The following RBM6 variants were observed in gnomAD, a reference collection of about 807,000 sequenced individuals.
The protein encoded by RBM6 is RNA-binding protein 6.
RBM6 carries 23 observed loss-of-function variants against 140.4 expected under a neutral mutation model. The ratio of observed to expected loss-of-function variants is 0.16; its 90% CI spans 0.12 to 0.23. The LOEUF is 0.23. Ranked by LOEUF, RBM6 falls within the 10% of genes least tolerant of loss-of-function variation. RBM6 has a pLI of 1.00. For missense variants in RBM6, 1,139 were observed against 1,386.7 expected, an observed-to-expected ratio of 0.82 and a Z score of 2.84; for synonymous variants, 439 against 475.6, an observed-to-expected ratio of 0.92 and a Z score of 1.00.
chr3:50,020,677 A>G (rs2087430816), intron 6 of RBM6, among the ~76,000 whole-genome samples: 1 of 152,206 alleles, frequency 6.6e-6, no homozygotes, highest in African/African-American at 2.4e-5. Context: ...TGGAGTGTAC[A>G]TACACAAACC....
chr3:50,077,233 A>T lies in RBM6; in HGVS notation c.*100A>T. 5.4e-6 allele frequency: 7 copies of T among 1,304,422 alleles called. No homozygotes were observed. Among genetic ancestry groups the T allele is most frequent in the African/African-American group, 3.1e-5 (2 of 64,814 alleles). 80.8% of individuals were successfully genotyped at this position (1,304,422 alleles called of 1,614,324 possible). A position where few individuals can be genotyped will look rare whatever the true frequency, so the allele number is the denominator to read the frequency against. ...TTGCTGCTAGAACTTTTTTAAATAA[A>T]CTTTTTTTCAATGTGATTATCTTTT... is the stretch of plus-strand genomic sequence containing the variant. On this transcript the variant is annotated 3_prime_UTR_variant, in exon 21 of 21. Coordinates refer to ENST00000266022, the MANE Select transcript of RBM6 (RefSeq NM_005777.3).
intron 11 of RBM6, chr3:50,060,753 C>CAAAA (rs35467618): frequency 1.1e-3 from 141 of 124,726 alleles, no homozygotes; most frequent in South Asian, 2.6e-3. Context: ...GACTCCGTCT[C>CAAAA]AAAAAAAAAA....
At position 49,999,519 on chromosome 3, in the gene RBM6, T is replaced by C; in HGVS notation, c.1557+6T>C. 6.2e-7 allele frequency: 1 copy of C among 1,606,818 alleles called. No homozygotes were observed. Among genetic ancestry groups the C allele is most frequent in the Non-Finnish European group, 8.5e-7 (1 of 1,173,308 alleles). On this transcript the variant is annotated splice_donor_region_variant and intron_variant, in intron 6 of 20. Transcript: ENST00000266022. The stretch of plus-strand genomic sequence containing the variant: ...GATGCATGGAGGCCAACCAGGTTGC[T>C]TTATACTTCGGTCAAATGATGCTGG...
chr3:49,973,608 CAG>C (rs2084903494), intron 4 of RBM6, among the ~76,000 whole-genome samples: 2 of 133,688 alleles, frequency 1.5e-5, no homozygotes, highest in African/African-American at 2.8e-5. Flanking sequence ...TTTTTTGAGA[CAG>C]AGTCTCACTC....
chr3:50,054,433 A>C, intron 8 of RBM6, 38 bp downstream of exon 8: 2 of 1,509,886 alleles, frequency 1.3e-6, no homozygotes, highest in African/African-American at 2.8e-5. Context: ...TATCTCGTGC[A>C]TTGAGCAAAA....
chr3:50,067,205 A>T (rs1438395303), intron 17 of RBM6, among the ~76,000 whole-genome samples: 1 of 151,272 alleles, frequency 6.6e-6, no homozygotes, highest in East Asian at 1.9e-4. Flanking sequence ...AAAAAAAAAA[A>T]AAAAAAAGCC....
chr3:50,046,135 G>A (rs1324008520), intron 6 of RBM6, among the ~76,000 whole-genome samples: 1 of 151,646 alleles, frequency 6.6e-6, no homozygotes, highest in Non-Finnish European at 1.5e-5. Flanking sequence ...ACAAAAATTA[G>A]CCAGGCATGG....
intron 9 of RBM6, 89 bp from the exon 10 acceptor site, chr3:50,058,313 A>G: frequency 7.2e-7 from 1 of 1,383,050 alleles, no homozygotes; most frequent in Non-Finnish European, 1.0e-6. Context: ...TAGCATCTAT[A>G]GTAAAAAATG....
At chr3:49,950,707 A>G (rs965838206) in intron 1 of RBM6, among the ~76,000 whole-genome samples, 1 of 151,904 alleles carries the variant, frequency 6.6e-6, no homozygotes, top group African/African-American at 2.4e-5. Context: ...GTAAGCTGAG[A>G]TCATGTCACT....
chr3:49,999,770 A>G (rs1575651296), intron 6 of RBM6, among the ~76,000 whole-genome samples: 2 of 36,232 alleles, frequency 5.5e-5, no homozygotes, highest in Non-Finnish European at 1.3e-4. Flanking sequence ...CAATAGTTGG[A>G]AAAAAAAAAA....
At chr3:49,986,876 C>G (rs2085588145) in intron 5 of RBM6, among the ~76,000 whole-genome samples, 1 of 151,496 alleles carries the variant, frequency 6.6e-6, no homozygotes, top group Non-Finnish European at 1.5e-5. Flanking sequence ...GTGTCAACCT[C>G]CCAGGTTCAA....
intron 5 of RBM6, among the ~76,000 whole-genome samples, chr3:49,990,980 C>A (rs971596789): frequency 1.3e-5 from 2 of 152,154 alleles, no homozygotes; most frequent in African/African-American, 4.8e-5. Context: ...TCCCATAAGA[C>A]CATTCTTACT....
chr3:50,069,038 A>T (rs2090205618), intron 18 of RBM6, among the ~76,000 whole-genome samples: 1 of 152,172 alleles, frequency 6.6e-6, no homozygotes, highest in African/African-American at 2.4e-5. Flanking sequence ...TTAGCTTTTA[A>T]ATTAGTTGAG....
At chr3:50,033,926 C>A (rs540973672) in intron 6 of RBM6, among the ~76,000 whole-genome samples, 1 of 152,132 alleles carries the variant, frequency 6.6e-6, no homozygotes, top group East Asian at 1.9e-4. Flanking sequence ...AGGACTGAGC[C>A]ACAGCACTTG....
chr3:49,952,390 T>TC (rs1258205307), intron 1 of RBM6, among the ~76,000 whole-genome samples: 5 of 152,012 alleles, frequency 3.3e-5, no homozygotes, highest in African/African-American at 9.7e-5. Flanking sequence ...GGTCTCAGAC[T>TC]CCTGACCTCA....
chr3:49,992,404 A>G (rs546405486), intron 5 of RBM6, among the ~76,000 whole-genome samples: 1 of 152,344 alleles, frequency 6.6e-6, no homozygotes, highest in African/African-American at 2.4e-5. Context: ...GTTAGTATAC[A>G]CTAGAAGTCA....
In RBM6 at chr3:49,968,878, C is replaced by T. The variant is rs1462205798; in HGVS notation, c.1323+130C>T. 8 of 1,179,776 alleles carry T rather than the reference C, an allele frequency of 6.8e-6. No homozygotes were observed. The African/African-American group carries it at 9.7e-5, about 14-fold the overall frequency. The allele number at this position is 1,179,776 out of a possible 1,614,324, so 73.1% of individuals were successfully genotyped here. A position where few individuals can be genotyped will look rare whatever the true frequency, so the allele number is the denominator to read the frequency against. On this transcript the variant is annotated intron_variant, in intron 3 of 20. Transcript: ENST00000266022. ...TCATGCAAGCTCCGCCTCCTGGGTT[C>T]ATGCCATTCTCCTGCCTCAGCCTCC... is the stretch of plus-strand genomic sequence containing the variant.
intron 1 of RBM6, among the ~76,000 whole-genome samples, chr3:49,945,868 C>T (rs1453858109): frequency 8.3e-6 from 1 of 119,764 alleles, no homozygotes; most frequent in South Asian, 2.5e-4. Flanking sequence ...GGCGACAGAG[C>T]GAGACTCCAT....
chr3:50,003,457 T>C (rs1224198501), intron 6 of RBM6, among the ~76,000 whole-genome samples: 1 of 152,166 alleles, frequency 6.6e-6, no homozygotes, highest in Non-Finnish European at 1.5e-5. Flanking sequence ...AGAAGGTTAC[T>C]CCGAAGTACT....
Sources: gnomAD v4.1 joint callset for allele counts (sites outside exome capture counted in the v4.1 genomes callset) on GRCh38, gnomAD v4.1.1 for gene constraint, MANE v1.5 for transcripts, NCBI Gene and HGNC (gene_info 2026-07-23, HGNC 2026-07-21) for gene names.